The following FAM135A variants were observed in gnomAD, a reference collection of about 807,000 sequenced individuals.
FAM135A encodes family with sequence similarity 135 member A, also known as protein FAM135A.
A neutral mutation model predicts 146.8 loss-of-function variants in FAM135A; 79 were observed. The observed-to-expected ratio is 0.54, with a 90% CI of 0.45 to 0.65. The LOEUF (loss-of-function observed/expected upper bound fraction) is 0.65, where lower values mean the gene tolerates loss of function less well. Among genes scored for constraint, FAM135A ranks in the 30% least tolerant of loss-of-function variants. FAM135A has a pLI of 0.00. For synonymous variants in FAM135A, 562 were observed against 603.6 expected, an observed-to-expected ratio of 0.93 and a Z score of 1.01; for missense variants, 1,623 against 1,758.2, an observed-to-expected ratio of 0.92 and a Z score of 1.38.
rs143106394 is a variant in FAM135A at position 70,445,734 on chromosome 6, C to T, written c.78-6758C>T. ...GGCCAGGTGTTCCTTGCCCTCATTC[C>T]GGTAAACCCACAACCTTCCAGCATG... is the stretch of plus-strand genomic sequence containing the variant. On this transcript the variant is annotated intron_variant, in intron 4 of 21. Coordinates refer to ENST00000418814, the MANE Select transcript of FAM135A (RefSeq NM_001162529.3). Among the ~76,000 whole-genome samples the T allele has an allele frequency of 5.7e-3, 870 of 152,292 alleles. 3 individuals are homozygous for T. Among genetic ancestry groups the T allele is most frequent in the Non-Finnish European group, 8.2e-3 (561 of 68,026 alleles).
intron 12 of FAM135A, chr6:70,504,181 G>T (rs1789200111): frequency 6.6e-6 from 1 of 152,164 alleles, no homozygotes; most frequent in Non-Finnish European, 1.5e-5. Flanking sequence ...ATGCGAAATG[G>T]TATATTATTG....
At chr6:70,467,267 T>C (rs776020259) in intron 5 of FAM135A, among the ~76,000 whole-genome samples, 2 of 152,116 alleles carry the variant, frequency 1.3e-5, no homozygotes, top group Non-Finnish European at 2.9e-5. Flanking sequence ...GCAGCATTGC[T>C]GTTAAGAGTT....
chr6:70,470,605 C>T (rs1781423367), intron 5 of FAM135A, among the ~76,000 whole-genome samples: 1 of 152,212 alleles, frequency 6.6e-6, no homozygotes, highest in South Asian at 2.1e-4. Flanking sequence ...GATCTGCCCG[C>T]CTCAGCCTCC....
chr6:70,442,145 A>G (rs1774656165), intron 4 of FAM135A, among the ~76,000 whole-genome samples: 1 of 151,322 alleles, frequency 6.6e-6, no homozygotes, highest in African/African-American at 2.4e-5. Flanking sequence ...TACTTACTTT[A>G]TGTATGTGTG....
chr6:70,441,980 A>G lies in FAM135A; in HGVS notation c.78-10512A>G, dbSNP rs139836323. 2.0e-5 allele frequency among the ~76,000 whole-genome samples: 3 copies of G among 152,222 alleles called. No homozygotes were observed. The East Asian group carries it at 5.8e-4, about 29-fold the overall frequency. ...TTACAGGCATGAGTCACCATGCTCC[A>G]CCACAAATACATTTTTATAAGAAAA... On this transcript the variant is annotated intron_variant, in intron 4 of 21. Transcript: ENST00000418814.
intron 12 of FAM135A, among the ~76,000 whole-genome samples, chr6:70,514,705 AT>A (rs1242587758): frequency 1.2e-4 from 16 of 136,554 alleles, no homozygotes; most frequent in African/African-American, 4.6e-4. Flanking sequence ...AAAACTTCTA[AT>A]TGATGATTCC....
At chr6:70,475,308 A>G (rs1782411173) in intron 5 of FAM135A, 102 bp from the exon 6 acceptor site, 1 of 934,708 alleles carries the variant, frequency 1.1e-6, no homozygotes, top group African/African-American at 1.7e-5. Flanking sequence ...TAATGACACT[A>G]TAGTAATATA....
intron 5 of FAM135A, 22 bp from the exon 6 acceptor site, chr6:70,475,388 T>A (rs751487557): frequency 3.3e-6 from 5 of 1,536,604 alleles, no homozygotes; most frequent in African/African-American, 1.4e-5. Flanking sequence ...TATCTGTCAA[T>A]TACATATCTT....
At chr6:70,532,366 A>G (rs2128399727) in intron 16 of FAM135A, among the ~76,000 whole-genome samples, 1 of 152,330 alleles carries the variant, frequency 6.6e-6, no homozygotes, top group East Asian at 1.9e-4. Flanking sequence ...GTATATGTGT[A>G]GATGCCTTTT....
intron 20 of FAM135A, among the ~76,000 whole-genome samples, chr6:70,556,454 C>T (rs893034591): frequency 1.3e-5 from 2 of 152,114 alleles, no homozygotes; most frequent in Admixed American, 1.3e-4. Flanking sequence ...GGAATACTTT[C>T]TATAGAACAT....
chr6:70,491,464 T>A (rs1785965307), intron 11 of FAM135A, among the ~76,000 whole-genome samples: 1 of 151,928 alleles, frequency 6.6e-6, no homozygotes, highest in Non-Finnish European at 1.5e-5. Context: ...GCTTCTCAGA[T>A]CATTTTTTCA....
intron 12 of FAM135A, among the ~76,000 whole-genome samples, chr6:70,511,317 G>A (rs554017350): frequency 1.1e-4 from 16 of 151,974 alleles, no homozygotes; most frequent in African/African-American, 3.4e-4. Flanking sequence ...CCCAGTAAAA[G>A]AAATCCTGTA....
In FAM135A at chr6:70,519,581, G is replaced by T. The variant is rs1465234807; in HGVS notation, c.1030-2932G>T. Among the ~76,000 whole-genome samples, 5 of 152,268 alleles carry T rather than the reference G, an allele frequency of 3.3e-5. No homozygotes were observed. The East Asian group carries it at 9.7e-4, about 29-fold the overall frequency. Reference sequence around the variant, plus strand: ...AATTTAAGAAATTGCCATAGCCACTGCAGCCACCCTGATCAGCAGCTATCA... The same window carrying T: ...AATTTAAGAAATTGCCATAGCCACTTCAGCCACCCTGATCAGCAGCTATCA... On this transcript the variant is annotated intron_variant, in intron 12 of 21. Coordinates refer to ENST00000418814, the MANE Select transcript of FAM135A (RefSeq NM_001162529.3).
intron 20 of FAM135A, among the ~76,000 whole-genome samples, chr6:70,545,564 C>T (rs529463569): frequency 3.3e-5 from 5 of 152,120 alleles, no homozygotes; most frequent in East Asian, 1.9e-4. Flanking sequence ...TGCAGTGAGC[C>T]GGGATCCTGC....
chr6:70,417,374 T>G (rs1767799823), intron 2 of FAM135A, among the ~76,000 whole-genome samples: 1 of 151,632 alleles, frequency 6.6e-6, no homozygotes, highest in South Asian at 2.1e-4. Context: ...CCACCACACC[T>G]GGCTAATTTT....
At chr6:70,433,073 G>C (rs1048995613) in intron 4 of FAM135A, among the ~76,000 whole-genome samples, 1 of 150,268 alleles carries the variant, frequency 6.7e-6, no homozygotes, top group African/African-American at 2.5e-5. Flanking sequence ...ACCAAATCAA[G>C]ATACTTTTTT....
Position 70,502,826 on chromosome 6 carries a change from A to G in FAM135A, c.1029+35A>G, listed in dbSNP as rs147942821. On this transcript the variant is annotated intron_variant, in intron 12 of 21. Transcript: ENST00000418814. ...AGAGAAGTGATTTTAGAGCATTTTAATGAGTATTATTTACCTTTAGAAAAT... is the reference window on the plus strand; with the variant it reads ...AGAGAAGTGATTTTAGAGCATTTTAGTGAGTATTATTTACCTTTAGAAAAT... The G allele has an allele frequency of 2.6e-4, 412 of 1,588,268 alleles. No individual in the cohort carries two copies. The African/African-American group carries it at 4.7e-3, about 18-fold the overall frequency.
chr6:70,529,438 TAA>T (rs763023513), intron 16 of FAM135A, among the ~76,000 whole-genome samples: 2 of 134,918 alleles, frequency 1.5e-5, no homozygotes, highest in African/African-American at 2.7e-5. Flanking sequence ...GATTTTTCTT[TAA>T]AAAAAAAAAA....
intron 5 of FAM135A, among the ~76,000 whole-genome samples, chr6:70,473,614 C>T (rs938190570): frequency 2.0e-5 from 3 of 152,074 alleles, no homozygotes; most frequent in Admixed American, 2.0e-4. Flanking sequence ...TTATATGTGC[C>T]AATCTCCTGT....
Sources: allele counts gnomAD v4.1 joint callset (sites outside exome capture counted in the v4.1 genomes callset), GRCh38; gene constraint gnomAD v4.1.1; transcripts MANE v1.5; gene names NCBI Gene and HGNC (gene_info 2026-07-23, HGNC 2026-07-21).